The following GPM6A variants were observed in gnomAD, a reference collection of about 807,000 sequenced individuals.
GPM6A encodes glycoprotein M6A.
Under a neutral mutation model 32.1 loss-of-function variants are expected in GPM6A, and 7 were observed. The observed-to-expected ratio is 0.22, with a 90% CI of 0.12 to 0.41. The LOEUF (loss-of-function observed/expected upper bound fraction) is 0.41, where lower values mean the gene tolerates loss of function less well. Ranked by LOEUF, GPM6A falls within the 10% of genes least tolerant of loss-of-function variation. The pLI is 1.00. For synonymous variants in GPM6A, 130 were observed against 123.4 expected (o/e 1.05, Z -0.35); for missense variants, 235 against 347.2 (o/e 0.68, Z 2.57).
At chr4:175,670,688 A>T (rs1223747120) in intron 3 of GPM6A, among the ~76,000 whole-genome samples, 1 of 152,070 alleles carries the variant, frequency 6.6e-6, no homozygotes, top group East Asian at 1.9e-4. Flanking sequence ...ACGTGCCTCA[A>T]ATTCTGGATT....
At chr4:175,799,093 A>G (rs1734356446) in intron 1 of GPM6A, among the ~76,000 whole-genome samples, 1 of 152,076 alleles carries the variant, frequency 6.6e-6, no homozygotes, top group African/African-American at 2.4e-5. Flanking sequence ...ATTTTGCAAA[A>G]TGGGAAACAA....
chr4:175,863,110 A>T (rs1736623410), intron 1 of GPM6A, among the ~76,000 whole-genome samples: 1 of 152,176 alleles, frequency 6.6e-6, no homozygotes, highest in Non-Finnish European at 1.5e-5. Flanking sequence ...AATAATCTGC[A>T]TAAATTCAAA....
intron 1 of GPM6A, among the ~76,000 whole-genome samples, chr4:175,755,259 A>C (rs918992432): frequency 6.6e-6 from 1 of 151,290 alleles, no homozygotes; most frequent in Non-Finnish European, 1.5e-5. Context: ...ACTGTACTAA[A>C]AGATGTCTTA....
chr4:175,653,105 A>C (rs1741895426), intron 3 of GPM6A, among the ~76,000 whole-genome samples: 1 of 152,124 alleles, frequency 6.6e-6, no homozygotes, highest in African/African-American at 2.4e-5. Flanking sequence ...AAACAAGTCA[A>C]ACTTATTCAA....
chr4:175,755,051 AT>A (rs958791014), intron 1 of GPM6A, among the ~76,000 whole-genome samples: 28 of 149,706 alleles, frequency 1.9e-4, no homozygotes, highest in Admixed American at 1.3e-3. Context: ...CTTCAAAAAA[AT>A]TTTTTTGTGT....
intron 1 of GPM6A, among the ~76,000 whole-genome samples, chr4:175,993,157 CCT>C (rs2126464048): frequency 6.6e-6 from 1 of 151,646 alleles, no homozygotes; most frequent in East Asian, 1.9e-4. Flanking sequence ...CTCTCCCTCC[CCT>C]CTTTCTTCCT....
Position 175,737,968 on chromosome 4 carries a change from G to A in GPM6A, c.38-36201C>T, listed in dbSNP as rs548798580. Among the ~76,000 whole-genome samples the A allele has an allele frequency of 4.4e-4, 64 of 144,676 alleles. 1 individual carries two copies. The highest frequency in any genetic ancestry group is 4.0e-3 in the Admixed American group (57 of 14,142). 94.9% of individuals were successfully genotyped at this position (144,676 alleles called of 152,430 possible). Reference sequence around the variant, plus strand: ...TTTTTTTTTTTTGAAGTGGAGTTTCGTTCTTGTTGCCCAGGCTGGAGTGCA... The same window carrying A: ...TTTTTTTTTTTTGAAGTGGAGTTTCATTCTTGTTGCCCAGGCTGGAGTGCA... On this transcript the variant is annotated intron_variant, in intron 1 of 6. Coordinates refer to ENST00000393658, the MANE Select transcript of GPM6A (RefSeq NM_201591.3).
chr4:175,971,113 A>AT, intron 1 of GPM6A: 1 of 265,644 alleles, frequency 3.8e-6, no homozygotes, highest in South Asian at 3.5e-5. Context: ...ACCTTCAAAC[A>AT]TTTTTTATTA....
intron 1 of GPM6A, among the ~76,000 whole-genome samples, chr4:175,969,020 C>G (rs895001610): frequency 6.6e-6 from 1 of 152,148 alleles, no homozygotes; most frequent in Non-Finnish European, 1.5e-5. Context: ...ACCAATATAT[C>G]CTTCACTAGG....
intron 1 of GPM6A, among the ~76,000 whole-genome samples, chr4:176,000,556 A>G (rs555363021): frequency 6.6e-6 from 1 of 152,230 alleles, no homozygotes; most frequent in Non-Finnish European, 1.5e-5. Context: ...CTCGAGCTTG[A>G]GGTTACAAGG....
intron 1 of GPM6A, among the ~76,000 whole-genome samples, chr4:175,833,394 G>A (rs1167011622): frequency 2.6e-5 from 4 of 152,116 alleles, no homozygotes; most frequent in African/African-American, 4.8e-5. Context: ...ATGCAGAGAC[G>A]CAGCTGAATG....
At chr4:175,952,618 T>G (rs1048750184) in intron 1 of GPM6A, among the ~76,000 whole-genome samples, 2 of 152,176 alleles carry the variant, frequency 1.3e-5, no homozygotes, top group African/African-American at 4.8e-5. Flanking sequence ...CAGAGATATT[T>G]TTGTGTACAT....
intron 1 of GPM6A, among the ~76,000 whole-genome samples, chr4:175,734,149 T>C (rs1731550743): frequency 6.9e-6 from 1 of 145,260 alleles, no homozygotes; most frequent in Admixed American, 6.9e-5. Flanking sequence ...TATATATATA[T>C]ATATATATAT....
intron 3 of GPM6A, among the ~76,000 whole-genome samples, chr4:175,658,538 C>T (rs562671464): frequency 6.6e-5 from 10 of 152,210 alleles, no homozygotes; most frequent in African/African-American, 1.9e-4. Flanking sequence ...AAAGAATGTG[C>T]AACACCCAGA....
chr4:175,891,105 T>G (rs1178636011), intron 1 of GPM6A, among the ~76,000 whole-genome samples: 2 of 152,160 alleles, frequency 1.3e-5, no homozygotes, highest in Non-Finnish European at 2.9e-5. Flanking sequence ...ATTCTTCTAC[T>G]TAACATAAGT....
intron 1 of GPM6A, among the ~76,000 whole-genome samples, chr4:175,724,400 C>T (rs1042862471): frequency 3.9e-5 from 6 of 152,056 alleles, no homozygotes; most frequent in Non-Finnish European, 5.9e-5. Context: ...AAAAATTAGC[C>T]GGGCATGATG....
chr4:175,787,201 C>T (rs1579500039), intron 1 of GPM6A: 1 of 649,728 alleles, frequency 1.5e-6, no homozygotes, highest in East Asian at 2.8e-5. Flanking sequence ...TTGGATGTGA[C>T]ATGCCAATTA....
intron 1 of GPM6A, among the ~76,000 whole-genome samples, chr4:175,964,320 C>G (rs1037954408): frequency 1.7e-4 from 23 of 138,280 alleles, no homozygotes; most frequent in African/African-American, 5.2e-4. Context: ...ACAACAACAA[C>G]AAAACCCACC....
At chr4:175,750,666 G>A (rs568860507) in intron 1 of GPM6A, among the ~76,000 whole-genome samples, 27 of 151,552 alleles carry the variant, frequency 1.8e-4, no homozygotes, top group African/African-American at 4.6e-4. Context: ...TCCACCTCCC[G>A]GGTTCAAGAG....
Sources: gnomAD v4.1 joint callset for allele counts (sites outside exome capture counted in the v4.1 genomes callset) on GRCh38, gnomAD v4.1.1 for gene constraint, MANE v1.5 for transcripts, NCBI Gene and HGNC (gene_info 2026-07-23, HGNC 2026-07-21) for gene names.